AP3B2: variants seen among roughly 807,000 people sequenced by gnomAD.
AP3B2 encodes the protein adaptor related protein complex 3 subunit beta 2.
A neutral mutation model predicts 126.9 loss-of-function variants in AP3B2; 50 were observed. That is an observed-to-expected ratio of 0.39 (90% CI 0.31 to 0.50). The LOEUF (loss-of-function observed/expected upper bound fraction) is 0.50, where lower values mean the gene tolerates loss of function less well. Among genes scored for constraint, AP3B2 ranks in the 20% least tolerant of loss-of-function variants. AP3B2 has a pLI of 0.79. For missense variants in AP3B2, 1,177 were observed against 1,426.4 expected (o/e 0.83, Z 2.82); for synonymous variants, 541 against 565.0 (o/e 0.96, Z 0.60).
At chr15:82,697,721 T>C (rs1375564313) in intron 1 of AP3B2, 4 of 152,274 alleles carry the variant, frequency 2.6e-5, no homozygotes, top group African/African-American at 9.6e-5. Flanking sequence ...CTATCTGTCA[T>C]GTGAGGACAG....
rs368662076 is a variant in AP3B2 at position 82,665,540 on chromosome 15, G to T, written c.1888C>A (p.Leu630Met). 3.1e-6 allele frequency: 5 copies of T among 1,614,014 alleles called. No homozygotes were observed. The highest frequency in any genetic ancestry group is 4.2e-6 in the Non-Finnish European group (5 of 1,179,894). Residue 630 changes from leucine (L) to methionine (M), a missense_variant, in exon 16 of 27, where the codon CTG becomes ATG. Physicochemically the swap from Leu to Met is conservative, Grantham distance 15. Around this residue, in one of 5 missense-constraint regions of AP3B2, gnomAD observed 308 missense variants for 452.4 expected, o/e 0.68. Coordinates refer to ENST00000535359, the MANE Select transcript of AP3B2 (RefSeq NM_001278512.2). The surrounding 1 kb of genome is among the most constrained non-coding windows in gnomAD (Gnocchi z 4.4). ...DHFQLGSLSH[L>M]LNAKATGYQE... is the part of the protein sequence containing the mutation. The stretch of plus-strand genomic sequence containing the variant: ...TAGCCTGTGGCCTTGGCATTAAGCA[G>T]GTGGGACAGTGAGCCCAGCTGGAAG...
chr15:82,705,427 T>C (rs1340312024), intron 1 of AP3B2, among the ~76,000 whole-genome samples: 3 of 152,142 alleles, frequency 2.0e-5, no homozygotes, highest in South Asian at 2.1e-4. Context: ...CACCCCGTGG[T>C]GCCAAACTCA....
At position 82,662,152 on chromosome 15, in the gene AP3B2, C is replaced by G. The variant is rs719334; in HGVS notation, c.2918+16G>C. 6.3e-7 allele frequency: 1 copy of G among 1,586,462 alleles called. No homozygotes were observed. On this transcript the variant is annotated intron_variant, in intron 24 of 26. Transcript: ENST00000535359. ...CCAGCCCATCCTCTCACCCCCACCT[C>G]GAGTTGGGCACATACCACAGCTGGA...
At chr15:82,666,124 C>G (rs982289405) in intron 15 of AP3B2, among the ~76,000 whole-genome samples, 11 of 152,370 alleles carry the variant, frequency 7.2e-5, no homozygotes, top group Admixed American at 1.3e-4. Context: ...CCCAGAAGAA[C>G]TGAGCTTTGT....
intron 4 of AP3B2, among the ~76,000 whole-genome samples, chr15:82,684,739 G>A (rs2048398534): frequency 1.3e-5 from 2 of 152,156 alleles, no homozygotes; most frequent in Non-Finnish European, 2.9e-5. Context: ...TGATCCTCCT[G>A]CCTCGGCCTC....
intron 14 of AP3B2, among the ~76,000 whole-genome samples, chr15:82,672,171 A>C (rs572812741): frequency 6.6e-6 from 1 of 152,374 alleles, no homozygotes; most frequent in Non-Finnish European, 1.5e-5. Context: ...TTATTGCAGC[A>C]CTGTTCACCA....
Position 82,665,376 on chromosome 15 carries a change from AACACACACACACACACACAC to A in AP3B2, c.1971+61_1972-74del, listed in dbSNP as rs60428596. ...GGGCTCCCTACTGTCTGCCCCCACC[AACACACACACACACACACAC>A]ACACACACACACACACACACACACA... On this transcript the variant is annotated intron_variant, in intron 16 of 26. Transcript: ENST00000535359. The surrounding 1 kb of genome is among the most constrained non-coding windows in gnomAD (Gnocchi z 4.4). 10,879 of 1,256,702 alleles carry A rather than the reference AACACACACACACACACACAC, an allele frequency of 8.7e-3. 222 individuals are homozygous for A. Among genetic ancestry groups the A allele is most frequent in the Admixed American group, 0.033 (1,755 of 53,146 alleles). 77.8% of individuals were successfully genotyped at this position (1,256,702 alleles called of 1,614,324 possible). A position where few individuals can be genotyped will look rare whatever the true frequency, so the allele number is the denominator to read the frequency against.
At chr15:82,689,642 TG>T (rs886953621) in intron 1 of AP3B2, 189 bp from the exon 2 acceptor site, 26 of 600,294 alleles carry the variant, frequency 4.3e-5, no homozygotes, top group Non-Finnish European at 7.1e-5. Context: ...GCTAATATTG[TG>T]GGTTGAACTG....
rs367676344 is a variant in AP3B2, at chr15:82,679,767, T to C, written c.1144A>G (p.Ile382Val). The C allele has an allele frequency of 2.7e-5, 43 of 1,613,824 alleles. No individual in the cohort carries two copies. Among genetic ancestry groups the C allele is most frequent in the Admixed American group, 6.7e-5 (4 of 60,004 alleles). The change falls in exon 10 of 27, where the codon ATC becomes GTC. Residue 382 changes from isoleucine to valine, a missense_variant. Physicochemically the swap from Ile to Val is conservative, Grantham distance 29 (BLOSUM62 3). This residue lies in a region of AP3B2 where 308 missense variants were observed against 452.4 expected (regional missense o/e 0.68). Coordinates refer to ENST00000535359, the MANE Select transcript of AP3B2 (RefSeq NM_001278512.2). ...MFEPYLKSFY[I>V]RSTDPTQIKI... The stretch of plus-strand genomic sequence containing the variant: ...ATCTGGGTGGGGTCGGTGGACCTGA[T>C]GTAGAAGCTCTTCAGGTAGGGCTCA...
intron 1 of AP3B2, among the ~76,000 whole-genome samples, chr15:82,707,002 C>T (rs958560047): frequency 6.6e-6 from 1 of 152,180 alleles, no homozygotes; most frequent in Non-Finnish European, 1.5e-5. Flanking sequence ...TGGGTAGATA[C>T]TTTCACTGGA....
chr15:82,662,759 T>C lies in AP3B2; in HGVS notation c.2768A>G (p.Lys923Arg). The C allele has an allele frequency of 6.2e-7, 1 of 1,613,886 alleles. No homozygotes were observed. ...HFSNSSDTPIKGLHVGTPKLP... is the reference protein window; with the variant it reads ...HFSNSSDTPIRGLHVGTPKLP... The stretch of plus-strand genomic sequence containing the variant: ...TTTGGGAGTGCCCACATGCAGGCCC[T>C]TGATGGGGGTATCAGAGCTGTTGGA... The change falls in exon 23 of 27, where the codon AAG becomes AGG. Residue 923 changes from lysine to arginine, a missense_variant. Lys to Arg is a conservative substitution (Grantham distance 26). Coordinates refer to ENST00000535359, the MANE Select transcript of AP3B2 (RefSeq NM_001278512.2).
At chr15:82,688,294 G>A (rs2048465570) in intron 4 of AP3B2, 1 of 630,400 alleles carries the variant, frequency 1.6e-6, no homozygotes, top group Non-Finnish European at 2.9e-6. Flanking sequence ...TCCAACTAGA[G>A]GCCTTGGGCA....
At chr15:82,670,123 G>GGGA (rs1311611420) in intron 14 of AP3B2, among the ~76,000 whole-genome samples, 35 of 130,284 alleles carry the variant, frequency 2.7e-4, no homozygotes, top group Non-Finnish European at 3.8e-4. Flanking sequence ...GGCGGGGGGG[G>GGGA]ACGAAGATGA....
rs753463280 is a variant in AP3B2, at chr15:82,659,521, G to A, written c.*39C>T. ...ACTGACAGCCTAGGTGTCATGGGGA[G>A]GTATAGATGGGAGCCAAACAGGTCA... is the stretch of plus-strand genomic sequence containing the variant. On this transcript the variant is annotated 3_prime_UTR_variant, in exon 27 of 27. Transcript: ENST00000535359. 12 of 1,606,696 alleles carry A rather than the reference G, an allele frequency of 7.5e-6. No homozygotes were observed. The East Asian group carries it at 1.1e-4, about 15-fold the overall frequency.
chr15:82,671,302 A>C (rs1205264781), intron 14 of AP3B2, among the ~76,000 whole-genome samples: 2 of 152,036 alleles, frequency 1.3e-5, no homozygotes, highest in Non-Finnish European at 2.9e-5. Flanking sequence ...AAAACAAAAC[A>C]AAAAAAGATA....
chr15:82,676,645 T>C lies in AP3B2; in HGVS notation c.1489-8A>G. Reference sequence around the variant, plus strand: ...GGCTCGGGCCATGGGCACCTGTGGTTGTGGGAGAGGAGTGAAGATGGGTAA... The same window carrying C: ...GGCTCGGGCCATGGGCACCTGTGGTCGTGGGAGAGGAGTGAAGATGGGTAA... On this transcript the variant is annotated splice_polypyrimidine_tract_variant and splice_region_variant and intron_variant, in intron 13 of 26. Transcript: ENST00000535359. The C allele has an allele frequency of 6.2e-7, 1 of 1,613,336 alleles. No individual in the cohort carries two copies. The highest frequency in any genetic ancestry group is 1.1e-5 in the South Asian group (1 of 90,954).
In AP3B2 at chr15:82,681,546, C is replaced by T; in HGVS notation, c.395G>A (p.Arg132His). 2.5e-6 allele frequency: 4 copies of T among 1,613,788 alleles called. No homozygotes were observed. Among genetic ancestry groups the T allele is most frequent in the Non-Finnish European group, 2.5e-6 (3 of 1,179,852 alleles). ...GGGCACACGGATGCTAGAGAGGACA[C>T]GGAGGGCACTGGCACGAATCAGCTG... is the stretch of plus-strand genomic sequence containing the variant. ...PNQLIRASAL[R>H]VLSSIRVPII... The change falls in exon 5 of 27, where the codon CGT (arginine) becomes CAT (histidine). Residue 132 changes from arginine (R) to histidine (H), a missense_variant. Physicochemically the swap from Arg to His is conservative, Grantham distance 29. Around this residue, in one of 5 missense-constraint regions of AP3B2, gnomAD observed 130 missense variants for 262.0 expected, o/e 0.50. Coordinates refer to ENST00000535359, the MANE Select transcript of AP3B2 (RefSeq NM_001278512.2). The surrounding 1 kb of genome is among the most constrained non-coding windows in gnomAD (Gnocchi z 4.0).
rs1025427550 is a variant in AP3B2 at position 82,704,198 on chromosome 15, C to T, written c.113+5396G>A. Among the ~76,000 whole-genome samples, 34 of 152,168 alleles carry T rather than the reference C, an allele frequency of 2.2e-4. 1 individual carries two copies. Among genetic ancestry groups the T allele is most frequent in the Non-Finnish European group, 1.8e-4 (12 of 68,038 alleles). ...GGCTCGTTGGGCAGCAACCCTGAGA[C>T]GCTTTACAGCCCTAGACCCTAAAAG... On this transcript the variant is annotated intron_variant, in intron 1 of 26. Coordinates refer to ENST00000535359, the MANE Select transcript of AP3B2 (RefSeq NM_001278512.2).
intron 14 of AP3B2, among the ~76,000 whole-genome samples, chr15:82,669,784 C>T (rs1033465828): frequency 4.0e-5 from 6 of 151,398 alleles, no homozygotes; most frequent in African/African-American, 1.2e-4. Context: ...GGCAGAATAC[C>T]TGAGGTCAGG....
Sources: allele counts gnomAD v4.1 joint callset (sites outside exome capture counted in the v4.1 genomes callset), GRCh38; gene constraint gnomAD v4.1.1; regional missense constraint gnomAD v4.1.1; non-coding constraint Gnocchi (gnomAD v3.1); transcripts MANE v1.5; gene names NCBI Gene and HGNC (gene_info 2026-07-23, HGNC 2026-07-21).